Variants in RFX3 observed in about 807,000 individuals in gnomAD.
The protein encoded by RFX3 is regulatory factor X3.
RFX3 carries 14 observed loss-of-function variants against 98.6 expected under a neutral mutation model. That is an observed-to-expected ratio of 0.14 (90% CI 0.09 to 0.22). The LOEUF (loss-of-function observed/expected upper bound fraction) is 0.22. RFX3 is among the 10% of genes least tolerant of loss of function. The pLI is 1.00. For synonymous variants in RFX3, 383 were observed against 328.4 expected, an observed-to-expected ratio of 1.17 and a Z score of -1.80; for missense variants, 639 against 926.9, an observed-to-expected ratio of 0.69 and a Z score of 4.03.
At chr9:3,306,986 G>A (rs1222231027) in intron 4 of RFX3, among the ~76,000 whole-genome samples, 3 of 151,968 alleles carry the variant, frequency 2.0e-5, no homozygotes, top group African/African-American at 4.8e-5. Flanking sequence ...TAATGGGGGC[G>A]GGTCTTTCCT....
intron 1 of RFX3, among the ~76,000 whole-genome samples, chr9:3,508,857 ATAAT>A (rs1817383278): frequency 6.6e-6 from 1 of 151,980 alleles, no homozygotes; most frequent in South Asian, 2.1e-4. Flanking sequence ...ACTGTTTCAA[ATAAT>A]TAACAGGGTT....
At chr9:3,335,859 C>T (rs1480582333) in intron 3 of RFX3, among the ~76,000 whole-genome samples, 1 of 152,154 alleles carries the variant, frequency 6.6e-6, no homozygotes, top group Non-Finnish European at 1.5e-5. Flanking sequence ...TGTTTCCCAT[C>T]ATGCCTTAGC....
chr9:3,393,941 C>A (rs193286529), intron 2 of RFX3, among the ~76,000 whole-genome samples: 344 of 152,138 alleles, frequency 2.3e-3, no homozygotes, highest in African/African-American at 8.1e-3. Flanking sequence ...GTAATTTAGC[C>A]ATAAAGCAAA....
intron 4 of RFX3, among the ~76,000 whole-genome samples, chr9:3,305,478 G>C (rs376026208): frequency 2.4e-4 from 36 of 152,096 alleles, no homozygotes; most frequent in African/African-American, 8.7e-4. Context: ...AACAGTAAAG[G>C]AAGACACTAT....
intron 1 of RFX3, among the ~76,000 whole-genome samples, chr9:3,496,643 A>C (rs1851128135): frequency 6.6e-6 from 1 of 151,958 alleles, no homozygotes; most frequent in Admixed American, 6.6e-5. Flanking sequence ...CTTTCACTTT[A>C]TCTTTCAGGT....
intron 1 of RFX3, among the ~76,000 whole-genome samples, chr9:3,457,744 C>G (rs1386207680): frequency 1.3e-5 from 2 of 152,044 alleles, no homozygotes; most frequent in Non-Finnish European, 2.9e-5. Context: ...TGGTATTTCA[C>G]TTTAAGGAAC....
chr9:3,370,351 T>C (rs910207877), intron 2 of RFX3, among the ~76,000 whole-genome samples: 9 of 151,900 alleles, frequency 5.9e-5, no homozygotes, highest in African/African-American at 2.2e-4. Flanking sequence ...ATTTTTATGA[T>C]TCCTTTTTCC....
chr9:3,278,702 A>G (rs1825550119), intron 7 of RFX3, among the ~76,000 whole-genome samples: 1 of 151,880 alleles, frequency 6.6e-6, no homozygotes, highest in East Asian at 1.9e-4. Flanking sequence ...CTTGGATGTT[A>G]TCAATTGCAA....
intron 3 of RFX3, among the ~76,000 whole-genome samples, chr9:3,334,052 G>C (rs1243864829): frequency 6.6e-6 from 1 of 150,632 alleles, no homozygotes; most frequent in Non-Finnish European, 1.5e-5. Flanking sequence ...ATGAATCATG[G>C]ATCTGGAATC....
chr9:3,456,048 G>T (rs1224400921), intron 1 of RFX3, among the ~76,000 whole-genome samples: 1 of 152,248 alleles, frequency 6.6e-6, no homozygotes, highest in Non-Finnish European at 1.5e-5. Context: ...AGGAAACTGT[G>T]TCCTCACATG....
chr9:3,265,185 G>C (rs1823458882), intron 12 of RFX3, among the ~76,000 whole-genome samples: 1 of 152,134 alleles, frequency 6.6e-6, no homozygotes, highest in Non-Finnish European at 1.5e-5. Context: ...TCAAAATGTA[G>C]CGAGTATGAC....
At chr9:3,393,874 G>A (rs560222403) in intron 2 of RFX3, among the ~76,000 whole-genome samples, 1 of 152,062 alleles carries the variant, frequency 6.6e-6, no homozygotes, top group African/African-American at 2.4e-5. Flanking sequence ...TACCTATTGG[G>A]TACAATGTTC....
intron 2 of RFX3, among the ~76,000 whole-genome samples, chr9:3,361,250 G>GC (rs1177430633): frequency 6.6e-6 from 1 of 152,112 alleles, no homozygotes; most frequent in Admixed American, 6.6e-5. Context: ...CAGAGTAGCA[G>GC]CAGGGAGGTT....
At chr9:3,515,181 G>T (rs1012282752) in intron 1 of RFX3, among the ~76,000 whole-genome samples, 5 of 152,120 alleles carry the variant, frequency 3.3e-5, no homozygotes, top group Non-Finnish European at 5.9e-5. Context: ...CCTTGCTTAT[G>T]AACTAGATTT....
chr9:3,476,833 A>C (rs1173238606), intron 1 of RFX3, among the ~76,000 whole-genome samples: 1 of 152,176 alleles, frequency 6.6e-6, no homozygotes, highest in Non-Finnish European at 1.5e-5. Flanking sequence ...TAAGGTGTAA[A>C]GCAGTATTTA....
chr9:3,494,024 A>T (rs978568048), intron 1 of RFX3, among the ~76,000 whole-genome samples: 1 of 151,982 alleles, frequency 6.6e-6, no homozygotes. Flanking sequence ...CCCCCATAAT[A>T]CTGATAGTCT....
intron 1 of RFX3, among the ~76,000 whole-genome samples, chr9:3,405,958 G>C (rs1001159835): frequency 4.0e-5 from 6 of 151,778 alleles, no homozygotes; most frequent in African/African-American, 1.5e-4. Flanking sequence ...TTTTTGTCTT[G>C]TTTTGTTTTT....
At chr9:3,481,706 G>A (rs1849780697) in intron 1 of RFX3, among the ~76,000 whole-genome samples, 1 of 151,874 alleles carries the variant, frequency 6.6e-6, no homozygotes, top group South Asian at 2.1e-4. Context: ...AATTTAAGAA[G>A]AGGAAAAGAA....
At chr9:3,403,839 T>G (rs1841706484) in intron 1 of RFX3, among the ~76,000 whole-genome samples, 1 of 152,182 alleles carries the variant, frequency 6.6e-6, no homozygotes, top group African/African-American at 2.4e-5. Flanking sequence ...AAACAGAGTT[T>G]CCTTTAGATT....
Sources: allele counts gnomAD v4.1 joint callset (sites outside exome capture counted in the v4.1 genomes callset), GRCh38; gene constraint gnomAD v4.1.1; transcripts MANE v1.5; gene names NCBI Gene and HGNC (gene_info 2026-07-23, HGNC 2026-07-21).